ZBED6: variants seen among roughly 807,000 people sequenced by gnomAD.
ZBED6 encodes zinc finger BED domain-containing protein 6.
A neutral mutation model predicts 58.4 loss-of-function variants in ZBED6; 40 were observed. The ratio of observed to expected loss-of-function variants is 0.68; its 90% CI spans 0.53 to 0.89. ZBED6 has a LOEUF of 0.89. ZBED6 is among the 40% of genes least tolerant of loss of function. The pLI is 0.00. For synonymous variants in ZBED6, 439 were observed against 350.6 expected, an observed-to-expected ratio of 1.25 and a Z score of -2.82; for missense variants, 1,057 against 1,003.9, an observed-to-expected ratio of 1.05 and a Z score of -0.71.
At position 203,847,378 on chromosome 1, in the gene ZBED6, A is replaced by C. The variant is rs2365981; in HGVS notation, c.*3936A>C. 5 of 1,613,900 alleles carry C rather than the reference A, an allele frequency of 3.1e-6. No homozygotes were observed. In the African/African-American group the frequency reaches 6.7e-5, roughly 22 times the overall value. ...AACCTTCTCTGAGGTCCTGGCTGAA[A>C]AAAAACATCGGCAGCAGGAAGCAGA... On this transcript the variant is annotated 3_prime_UTR_variant, in exon 12 of 17. Transcript: ENST00000550078.
At position 203,850,718 on chromosome 1, in the gene ZBED6, TGTG is replaced by T. The variant is rs1387163850; in HGVS notation, c.*4805+40_*4805+42del. The T allele has an allele frequency of 1.9e-6, 3 of 1,597,204 alleles. No individual in the cohort carries two copies. In the African/African-American group the frequency reaches 4.0e-5, roughly 21 times the overall value. Reference sequence around the variant, plus strand: ...ATTCACTTTGTGGTGCTTTATTCTGTGTGGTAGGAAAGCAGGAAAGACTAACTC... The same window carrying T: ...ATTCACTTTGTGGTGCTTTATTCTGTGTAGGAAAGCAGGAAAGACTAACTC... On this transcript the variant is annotated intron_variant, in intron 15 of 16. Transcript: ENST00000550078.
rs1325788352 is a variant in ZBED6 at position 203,828,296 on chromosome 1, C to T, written c.*2874-3C>T. 2 of 1,613,908 alleles carry T rather than the reference C, an allele frequency of 1.2e-6. No homozygotes were observed. The highest frequency in any genetic ancestry group is 8.5e-7 in the Non-Finnish European group (1 of 1,179,918). On this transcript the variant is annotated splice_polypyrimidine_tract_variant and splice_region_variant and intron_variant, in intron 3 of 16. Coordinates refer to ENST00000550078, the Ensembl canonical transcript of ZBED6. Reference sequence around the variant, plus strand: ...GAAAGCAATGTGTTTTTCCCTCTTACAGAAAAAACGCAGTGAAATTCCTTG... The same window carrying T: ...GAAAGCAATGTGTTTTTCCCTCTTATAGAAAAAACGCAGTGAAATTCCTTG...
chr1:203,799,572 C>T (rs1352862700), exon 1 of ZBED6: 1 of 703,046 alleles, frequency 1.4e-6, no homozygotes, highest in South Asian at 1.5e-5. Context: ...TCAGTGGACT[C>T]TAATGACTTA....
chr1:203,842,278 G>T (rs1469864573), intron 11 of ZBED6, among the ~76,000 whole-genome samples: 1 of 152,230 alleles, frequency 6.6e-6, no homozygotes, highest in Non-Finnish European at 1.5e-5. Flanking sequence ...AGCAAGCCGA[G>T]ATCACGCCAC....
At chr1:203,820,710 C>T (rs1678334449) in intron 3 of ZBED6, among the ~76,000 whole-genome samples, 2 of 151,948 alleles carry the variant, frequency 1.3e-5, no homozygotes, top group African/African-American at 4.8e-5. Context: ...GAATTGTTGG[C>T]CTCAAGTTAT....
At chr1:203,819,295 T>C (rs1265785356) in intron 3 of ZBED6, among the ~76,000 whole-genome samples, 1 of 150,470 alleles carries the variant, frequency 6.6e-6, no homozygotes, top group South Asian at 2.1e-4. Flanking sequence ...AATCTCTGCT[T>C]ACTGCAACCT....
intron 10 of ZBED6, among the ~76,000 whole-genome samples, chr1:203,838,673 G>A (rs940767319): frequency 6.6e-5 from 10 of 152,126 alleles, no homozygotes; most frequent in Non-Finnish European, 1.2e-4. Context: ...TAAACAGGCC[G>A]GGCACGGTAG....
chr1:203,831,650 G>A lies in ZBED6; in HGVS notation c.*3400-11G>A, dbSNP rs766791281. The A allele has an allele frequency of 6.2e-7, 1 of 1,605,936 alleles. No individual in the cohort carries two copies. The highest frequency in any genetic ancestry group is 8.5e-7 in the Non-Finnish European group (1 of 1,175,094). On this transcript the variant is annotated splice_polypyrimidine_tract_variant and intron_variant, in intron 7 of 16. Transcript: ENST00000550078. ...TAAATTATTTGCTGTTCTTTGACTTGCCTTATTCAGAGGGTTCTTCAGGAG... is the reference window on the plus strand; with the variant it reads ...TAAATTATTTGCTGTTCTTTGACTTACCTTATTCAGAGGGTTCTTCAGGAG...
chr1:203,829,844 C>G, exon 6 of ZBED6: 3 of 1,614,152 alleles, frequency 1.9e-6, no homozygotes, highest in Non-Finnish European at 2.5e-6. Flanking sequence ...CTGAAGTTCA[C>G]AATGGATTAC....
chr1:203,809,172 G>GTTTTT (rs33926996), intron 1 of ZBED6, among the ~76,000 whole-genome samples: 38 of 83,264 alleles, frequency 4.6e-4, no homozygotes, highest in Admixed American at 1.4e-3. Flanking sequence ...TCTTCTCACT[G>GTTTTT]TTTTTTTTTT....
intron 11 of ZBED6, among the ~76,000 whole-genome samples, chr1:203,841,868 T>C (rs1686374718): frequency 6.8e-6 from 1 of 146,328 alleles, no homozygotes; most frequent in Non-Finnish European, 1.5e-5. Flanking sequence ...GCGGAGGGGC[T>C]CCTCACTTCT....
chr1:203,830,925 A>ATTTTTTTTTTTTTTTT (rs774771270), intron 7 of ZBED6, among the ~76,000 whole-genome samples: 1 of 51,352 alleles, frequency 1.9e-5, no homozygotes, highest in Non-Finnish European at 3.7e-5. Flanking sequence ...CCAACCCCCA[A>ATTTTTTTTTTTTTTTT]TTTTTTTTTT....
chr1:203,809,799 C>G (rs1371404362), intron 1 of ZBED6, among the ~76,000 whole-genome samples: 1 of 151,922 alleles, frequency 6.6e-6, no homozygotes, highest in African/African-American at 2.4e-5. Context: ...ACTAAAAATA[C>G]AAAAATTAGC....
exon 1 of ZBED6, chr1:203,798,490 A>T: frequency 6.5e-7 from 1 of 1,536,150 alleles, no homozygotes; most frequent in Non-Finnish European, 8.7e-7. Context: ...GTTGCCAACA[A>T]AGACAGTGGT....
chr1:203,812,343 T>G (rs1289682275), intron 1 of ZBED6, among the ~76,000 whole-genome samples: 5 of 152,152 alleles, frequency 3.3e-5, no homozygotes, highest in Admixed American at 2.0e-4. Flanking sequence ...TTCTCAGCAT[T>G]TAGCTCCCAC....
intron 7 of ZBED6, among the ~76,000 whole-genome samples, chr1:203,830,628 T>A (rs2103023779): frequency 6.6e-6 from 1 of 152,122 alleles, no homozygotes; most frequent in South Asian, 2.1e-4. Flanking sequence ...CTGGCCAACA[T>A]GGTGAAACCC....
At chr1:203,848,457 A>G in intron 13 of ZBED6, 50 bp downstream of exon 13, 2 of 1,426,152 alleles carry the variant, frequency 1.4e-6, no homozygotes, top group African/African-American at 1.4e-5. Context: ...CAAAGGCTAG[A>G]TAATTGGTAG....
chr1:203,842,164 C>T (rs1686547956), intron 11 of ZBED6, among the ~76,000 whole-genome samples: 1 of 151,536 alleles, frequency 6.6e-6, no homozygotes, highest in African/African-American at 2.4e-5. Flanking sequence ...GATGGGCGGC[C>T]AGGCAGAGAC....
At chr1:203,834,139 T>C (rs904225448) in intron 9 of ZBED6, 5 of 1,050,118 alleles carry the variant, frequency 4.8e-6, no homozygotes, top group Non-Finnish European at 4.6e-6. Context: ...CAAATTTAAA[T>C]GTGAGTTTTT....
Sources: gnomAD v4.1 joint callset for allele counts (sites outside exome capture counted in the v4.1 genomes callset) on GRCh38, gnomAD v4.1.1 for gene constraint, MANE v1.5 for transcripts, NCBI Gene and HGNC (gene_info 2026-07-23, HGNC 2026-07-21) for gene names.